Variants in MBL2 observed in about 807,000 individuals in gnomAD.
The protein encoded by MBL2 is mannose-binding protein C.
A neutral mutation model predicts 12.7 loss-of-function variants in MBL2; 6 were observed. The observed-to-expected ratio is 0.47, with a 90% CI of 0.26 to 0.94. MBL2 has a LOEUF of 0.94. MBL2 is among the 40% of genes least tolerant of loss of function. The pLI is 0.15. For synonymous variants in MBL2, 114 were observed against 112.0 expected, an observed-to-expected ratio of 1.02 and a Z score of -0.11; for missense variants, 307 against 295.2, an observed-to-expected ratio of 1.04 and a Z score of -0.29.
At chr10:52,770,291 T>C (rs1325156215) in intron 3 of MBL2, among the ~76,000 whole-genome samples, 1 of 152,220 alleles carries the variant, frequency 6.6e-6, no homozygotes, top group African/African-American at 2.4e-5. Context: ...CTTGGTTTCT[T>C]ATGAAGTAAA....
rs1411974041 is a variant in MBL2 at position 52,766,664 on chromosome 10, A to T, written c.*1473T>A. The T allele has an allele frequency of 4.6e-5, 7 of 152,198 alleles. No individual in the cohort carries two copies. The highest frequency in any genetic ancestry group is 1.7e-4 in the African/African-American group (7 of 41,458). The allele number at this position is 152,198 out of a possible 1,614,324, so 9.4% of individuals were successfully genotyped here. A position where few individuals can be genotyped will look rare whatever the true frequency, so the allele number is the denominator to read the frequency against. ...GCACTAATTTTGAAAGAAAATATGA[A>T]TAAATAAGACTTTCTCAAAATTAGG... On this transcript the variant is annotated 3_prime_UTR_variant, in exon 5 of 5. Coordinates refer to ENST00000674931, the MANE Select transcript of MBL2 (RefSeq NM_001378373.1).
In MBL2 at chr10:52,768,452, T is replaced by C; in HGVS notation, c.432A>G (p.Glu144=). The change falls in exon 5 of 5, where the codon GAA becomes GAG. Residue 144 remains glutamate, a synonymous_variant. Transcript: ENST00000674931. ...VGNKFFLTNG[E]IMTFEKVKAL... Reference sequence around the variant, plus strand: ...CCTTCACTTTTTCAAAGGTCATTATTTCACCATTGGTCAGGAAGAACTTGT... The same window carrying C: ...CCTTCACTTTTTCAAAGGTCATTATCTCACCATTGGTCAGGAAGAACTTGT... 1 of 1,608,148 alleles carries C rather than the reference T, an allele frequency of 6.2e-7. No homozygotes were observed. The highest frequency in any genetic ancestry group is 8.5e-7 in the Non-Finnish European group (1 of 1,177,972).
At chr10:52,771,341 G>T (rs1840388820) in intron 2 of MBL2, 108 bp downstream of exon 2, 1 of 1,252,258 alleles carries the variant, frequency 8.0e-7, no homozygotes, top group Non-Finnish European at 1.1e-6. Flanking sequence ...TTGAGTTACA[G>T]TATAGTTGAG....
chr10:52,771,125 T>C (rs1840386050), intron 2 of MBL2, among the ~76,000 whole-genome samples: 1 of 152,170 alleles, frequency 6.6e-6, no homozygotes, highest in South Asian at 2.1e-4. Flanking sequence ...ACTCCATCTC[T>C]TCTTTGGCCT....
At chr10:52,768,689 C>T (rs1356986452) in intron 4 of MBL2, among the ~76,000 whole-genome samples, 179 bp from the exon 5 acceptor site, 2 of 151,986 alleles carry the variant, frequency 1.3e-5, no homozygotes, top group Non-Finnish European at 2.9e-5. Flanking sequence ...TTCAGACACA[C>T]TTATACTAAA....
In MBL2 at chr10:52,771,642, C is replaced by T. The variant is rs1840395376; in HGVS notation, c.-7G>A. ...GTGATGGAAACAGGGACATGGTCCT[C>T]ACCTTGGTGTGAGAAAACTCAGGGA... is the stretch of plus-strand genomic sequence containing the variant. On this transcript the variant is annotated splice_region_variant and 5_prime_UTR_variant, in exon 2 of 5. Transcript: ENST00000674931. 5 of 1,612,412 alleles carry T rather than the reference C, an allele frequency of 3.1e-6. No homozygotes were observed. Among genetic ancestry groups the T allele is most frequent in the Non-Finnish European group, 4.2e-6 (5 of 1,179,096 alleles).
intron 1 of MBL2, 168 bp from the exon 2 acceptor site, chr10:52,771,812 G>T: frequency 1.1e-6 from 1 of 919,552 alleles, no homozygotes; most frequent in Non-Finnish European, 1.6e-6. Flanking sequence ...GACACTGCGT[G>T]ACTAGTACTT....
chr10:52,770,449 C>A (rs1840373409), intron 3 of MBL2, among the ~76,000 whole-genome samples: 1 of 152,162 alleles, frequency 6.6e-6, no homozygotes, highest in Non-Finnish European at 1.5e-5. Context: ...ACAGGGAGTG[C>A]CTGATGAGGG....
Position 52,768,257 on chromosome 10 carries a change from G to T in MBL2, c.627C>A (p.Asn209Lys), listed in dbSNP as rs370867162. The change falls in exon 5 of 5, where the codon AAC becomes AAA. Residue 209 changes from asparagine to lysine, a missense_variant. Coordinates refer to ENST00000674931, the MANE Select transcript of MBL2 (RefSeq NM_001378373.1). Reference sequence around the variant, plus strand: ...AACCAGCATTGTTGGGTTCACCCTCGTTCCAGTTTGTGTAGGTCAGTCTAT... The same window carrying T: ...AACCAGCATTGTTGGGTTCACCCTCTTTCCAGTTTGTGTAGGTCAGTCTAT... ...TGNRLTYTNW[N>K]EGEPNNAGSD... The T allele has an allele frequency of 1.5e-5, 24 of 1,613,802 alleles. No individual in the cohort carries two copies. Among genetic ancestry groups the T allele is most frequent in the Non-Finnish European group, 1.9e-5 (23 of 1,180,012 alleles).
rs751078989 is a variant in MBL2 at position 52,766,764 on chromosome 10, G to C, written c.*1373C>G. On this transcript the variant is annotated 3_prime_UTR_variant, in exon 5 of 5. Transcript: ENST00000674931. Reference sequence around the variant, plus strand: ...AAATATTTGTAATACACATTAAAAAGGACATATTCAGAATGTAAAAATAAC... The same window carrying C: ...AAATATTTGTAATACACATTAAAAACGACATATTCAGAATGTAAAAATAAC... 6.6e-6 allele frequency: 1 copy of C among 150,402 alleles called. No individual in the cohort carries two copies. The highest frequency in any genetic ancestry group is 2.5e-5 in the African/African-American group (1 of 40,006). The allele number at this position is 150,402 out of a possible 1,614,324, so 9.3% of individuals were successfully genotyped here.
intron 1 of MBL2, 99 bp from the exon 2 acceptor site, chr10:52,771,743 A>C: frequency 6.8e-7 from 1 of 1,460,100 alleles, no homozygotes; most frequent in South Asian, 1.4e-5. Context: ...GGCTATATAG[A>C]AATAGATGAC....
At chr10:52,769,085 C>G (rs1840351499) in intron 4 of MBL2, among the ~76,000 whole-genome samples, 162 bp downstream of exon 4, 1 of 151,930 alleles carries the variant, frequency 6.6e-6, no homozygotes, top group East Asian at 1.9e-4. Context: ...ATTTAACTTC[C>G]CTTTGCCTCC....
rs1167996309 is a variant in MBL2, at chr10:52,767,213, T to C, written c.*924A>G. 1 of 151,934 alleles carries C rather than the reference T, an allele frequency of 6.6e-6. No individual in the cohort carries two copies. The highest frequency in any genetic ancestry group is 1.5e-5 in the Non-Finnish European group (1 of 68,018). The allele number at this position is 151,934 out of a possible 1,614,324, so 9.4% of individuals were successfully genotyped here. ...GTCCAGGAATGTTCGTGGGTTCTCT[T>C]CCTCATGGCCAAAAATTGGAAGCCA... On this transcript the variant is annotated 3_prime_UTR_variant, in exon 5 of 5. Coordinates refer to ENST00000674931, the MANE Select transcript of MBL2 (RefSeq NM_001378373.1).
At position 52,771,621 on chromosome 10, in the gene MBL2, T is replaced by C. The variant is rs1280061907; in HGVS notation, c.15A>G (p.Pro5=). Residue 5 remains proline, a synonymous_variant, in exon 2 of 5, where the codon CCA becomes CCG. Coordinates refer to ENST00000674931, the MANE Select transcript of MBL2 (RefSeq NM_001378373.1). MSLF[P]SLPLLLLSMV... is the part of the protein sequence containing the mutation. ...TACTCAGGAGAAGGAGAGGGAGTGA[T>C]GGAAACAGGGACATGGTCCTCACCT... 1.2e-6 allele frequency: 2 copies of C among 1,613,604 alleles called. No homozygotes were observed. The highest frequency in any genetic ancestry group is 1.7e-6 in the Non-Finnish European group (2 of 1,179,822).
In MBL2 at chr10:52,771,815, T is replaced by A. The variant is rs67990116; in HGVS notation, c.-9-171A>T. 1,365 of 898,218 alleles carry A rather than the reference T, an allele frequency of 1.5e-3. 16 individuals carry two copies. The African/African-American group carries it at 0.021, about 14-fold the overall frequency. 55.6% of individuals were successfully genotyped at this position (898,218 alleles called of 1,614,324 possible). ...AACATTCCTTGTGACACTGCGTGAC[T>A]AGTACTTTAACAAAGGTAGGCACTA... On this transcript the variant is annotated intron_variant, in intron 1 of 4. Transcript: ENST00000674931.
In MBL2 at chr10:52,768,281, A is replaced by G. The variant is rs1451605127; in HGVS notation, c.603T>C (p.Asn201=). ...TEGQFVDLTG[N]RLTYTNWNEG... Reference sequence around the variant, plus strand: ...CGTTCCAGTTTGTGTAGGTCAGTCTATTTCCTGTCAGATCCACAAACTGCC... The same window carrying G: ...CGTTCCAGTTTGTGTAGGTCAGTCTGTTTCCTGTCAGATCCACAAACTGCC... Residue 201 remains asparagine, a synonymous_variant, in exon 5 of 5, where the codon AAT becomes AAC. Coordinates refer to ENST00000674931, the MANE Select transcript of MBL2 (RefSeq NM_001378373.1). 5 of 1,613,442 alleles carry G rather than the reference A, an allele frequency of 3.1e-6. No individual in the cohort carries two copies. Among genetic ancestry groups the G allele is most frequent in the Non-Finnish European group, 4.2e-6 (5 of 1,179,924 alleles).
chr10:52,768,970 A>G (rs1840349549), intron 4 of MBL2, among the ~76,000 whole-genome samples: 1 of 152,058 alleles, frequency 6.6e-6, no homozygotes, highest in Non-Finnish European at 1.5e-5. Flanking sequence ...TCCCATTTTC[A>G]GTGAGCAATA....
At position 52,766,708 on chromosome 10, in the gene MBL2, T is replaced by G. The variant is rs577771508; in HGVS notation, c.*1429A>C. Reference sequence around the variant, plus strand: ...AATTAGGAAATTTTGTTCATCAAAATTCAACATTAGGAGCAAGTCAAAAAC... The same window carrying G: ...AATTAGGAAATTTTGTTCATCAAAAGTCAACATTAGGAGCAAGTCAAAAAC... On this transcript the variant is annotated 3_prime_UTR_variant, in exon 5 of 5. Transcript: ENST00000674931. 4.6e-5 allele frequency: 7 copies of G among 152,216 alleles called. No individual in the cohort carries two copies. The East Asian group carries it at 1.4e-3, about 29-fold the overall frequency. The allele number at this position is 152,216 out of a possible 1,614,324, so 9.4% of individuals were successfully genotyped here.
chr10:52,769,711 A>T lies in MBL2; in HGVS notation c.305-396T>A, dbSNP rs190878037. 3.4e-3 allele frequency among the ~76,000 whole-genome samples: 524 copies of T among 152,310 alleles called. 2 individuals carry two copies. Among genetic ancestry groups the T allele is most frequent in the Non-Finnish European group, 3.2e-3 (215 of 68,028 alleles). ...GGTGAAGAGTGACGAAAAAGATTGC[A>T]GAGTTTTTGTCTTTGGAGAGGTTTT... is the stretch of plus-strand genomic sequence containing the variant. On this transcript the variant is annotated intron_variant, in intron 3 of 4. Coordinates refer to ENST00000674931, the MANE Select transcript of MBL2 (RefSeq NM_001378373.1).
Sources: gnomAD v4.1 joint callset for allele counts (sites outside exome capture counted in the v4.1 genomes callset) on GRCh38, gnomAD v4.1.1 for gene constraint, MANE v1.5 for transcripts, NCBI Gene and HGNC (gene_info 2026-07-23, HGNC 2026-07-21) for gene names.